The following COLEC12 variants were observed in gnomAD, a reference collection of about 807,000 sequenced individuals.
The protein encoded by COLEC12 is collectin-12.
A neutral mutation model predicts 71.1 loss-of-function variants in COLEC12; 33 were observed. The ratio of observed to expected loss-of-function variants is 0.46; its 90% CI spans 0.35 to 0.62. The LOEUF (loss-of-function observed/expected upper bound fraction) is 0.62. Ranked by LOEUF, COLEC12 falls within the 20% of genes least tolerant of loss-of-function variation. The pLI is 0.00. For synonymous variants in COLEC12, 350 were observed against 353.0 expected (o/e 0.99, Z 0.10); for missense variants, 765 against 916.1 (o/e 0.84, Z 2.13).
intron 2 of COLEC12, among the ~76,000 whole-genome samples, chr18:411,169 T>C (rs1915887480): frequency 6.6e-6 from 1 of 152,234 alleles, no homozygotes; most frequent in African/African-American, 2.4e-5. Context: ...AGTAGAAACC[T>C]GGACTTCTGC....
At position 331,677 on chromosome 18, in the gene COLEC12, G is replaced by A. The variant is rs1370102883; in HGVS notation, c.2054C>T (p.Pro685Leu). 6.2e-7 allele frequency: 1 copy of A among 1,605,340 alleles called. No homozygotes were observed. Among genetic ancestry groups the A allele is most frequent in the Admixed American group, 1.7e-5 (1 of 60,006 alleles). ...NEWKWLDGTSPDYKNWKAGQP... is the reference protein window; with the variant it reads ...NEWKWLDGTSLDYKNWKAGQP... ...GCTTCTGAGTACTTACTTGTAGTCT[G>A]GAGATGTCCCATCCAGCCACTTCCA... Residue 685 changes from proline (P) to leucine (L), a missense_variant, in exon 8 of 10, where the codon CCA (proline) becomes CTA (leucine). Pro to Leu is a moderately conservative substitution (Grantham distance 98, BLOSUM62 -3). Coordinates refer to ENST00000400256, the MANE Select transcript of COLEC12 (RefSeq NM_130386.3).
Position 459,001 on chromosome 18 carries a change from A to AT in COLEC12, c.58+21705dup, listed in dbSNP as rs202210753. Reference sequence around the variant, plus strand: ...GGACATGCTCCACCATTCCAGGCTAATTTTTTTATTTTCTGTAGAGATGGG... The same window carrying AT: ...GGACATGCTCCACCATTCCAGGCTAATTTTTTTTATTTTCTGTAGAGATGGG... On this transcript the variant is annotated intron_variant, in intron 2 of 9. Coordinates refer to ENST00000400256, the MANE Select transcript of COLEC12 (RefSeq NM_130386.3). Among the ~76,000 whole-genome samples, 703 of 152,130 alleles carry AT rather than the reference A, an allele frequency of 4.6e-3. 6 individuals are homozygous for AT. The highest frequency in any genetic ancestry group is 0.019 in the East Asian group (100 of 5,166).
chr18:324,860 C>T (rs893434269), intron 8 of COLEC12, among the ~76,000 whole-genome samples: 8 of 151,836 alleles, frequency 5.3e-5, no homozygotes, highest in Middle Eastern at 3.2e-3. Context: ...GAATATAGGA[C>T]CATAGAATGA....
Position 327,787 on chromosome 18 carries a change from C to A in COLEC12, c.2063+3881G>T, listed in dbSNP as rs899759521. ...AAGGGGAAAGCAGTGGTACTTAATT[C>A]TTCCTAGCCTGGGCAAGGGATGGGA... is the stretch of plus-strand genomic sequence containing the variant. On this transcript the variant is annotated intron_variant, in intron 8 of 9. Coordinates refer to ENST00000400256, the MANE Select transcript of COLEC12 (RefSeq NM_130386.3). The surrounding 1 kb of genome is among the most constrained non-coding windows in gnomAD (Gnocchi z 4.0). 6.6e-6 allele frequency among the ~76,000 whole-genome samples: 1 copy of A among 152,208 alleles called. No individual in the cohort carries two copies. The highest frequency in any genetic ancestry group is 2.4e-5 in the African/African-American group (1 of 41,466).
chr18:455,438 T>C (rs1412234946), intron 2 of COLEC12, among the ~76,000 whole-genome samples: 1 of 152,026 alleles, frequency 6.6e-6, no homozygotes, highest in Non-Finnish European at 1.5e-5. Context: ...CCACCATGCC[T>C]GGCTAATTTT....
chr18:324,351 A>G (rs1168460369), intron 8 of COLEC12, among the ~76,000 whole-genome samples: 1 of 152,228 alleles, frequency 6.6e-6, no homozygotes, highest in Non-Finnish European at 1.5e-5. Flanking sequence ...TGGGGCTCAA[A>G]GCCCTGAATT....
At chr18:443,757 T>C (rs896867594) in intron 2 of COLEC12, among the ~76,000 whole-genome samples, 6 of 152,160 alleles carry the variant, frequency 3.9e-5, no homozygotes, top group African/African-American at 1.2e-4. Flanking sequence ...CATGTTGAAA[T>C]GTAGTCCCCA....
Position 405,590 on chromosome 18 carries a change from C to T in COLEC12, c.59-48068G>A, listed in dbSNP as rs111978321. Reference sequence around the variant, plus strand: ...CGTTGAAATATTGGGGGCAGGTTCCCCCAGTAGGGTGGGGCTGTATAAGCT... The same window carrying T: ...CGTTGAAATATTGGGGGCAGGTTCCTCCAGTAGGGTGGGGCTGTATAAGCT... On this transcript the variant is annotated intron_variant, in intron 2 of 9. Coordinates refer to ENST00000400256, the MANE Select transcript of COLEC12 (RefSeq NM_130386.3). Among the ~76,000 whole-genome samples, 591 of 152,292 alleles carry T rather than the reference C, an allele frequency of 3.9e-3. 2 individuals carry two copies. Among genetic ancestry groups the T allele is most frequent in the African/African-American group, 0.013 (550 of 41,550 alleles).
intron 1 of COLEC12, among the ~76,000 whole-genome samples, chr18:499,840 C>T (rs558650336): frequency 3.8e-4 from 57 of 151,752 alleles, no homozygotes; most frequent in African/African-American, 1.4e-3. Flanking sequence ...GGGCGACTAA[C>T]CAGCTGAGGT....
intron 2 of COLEC12, among the ~76,000 whole-genome samples, chr18:396,206 A>G (rs1915567978): frequency 6.6e-6 from 1 of 152,218 alleles, no homozygotes; most frequent in South Asian, 2.1e-4. Flanking sequence ...GGAGAGTGGC[A>G]GCAGGTAATG....
intron 8 of COLEC12, among the ~76,000 whole-genome samples, chr18:328,618 G>A (rs369537255): frequency 1.7e-4 from 26 of 152,198 alleles, no homozygotes; most frequent in African/African-American, 5.1e-4. Context: ...CCAAGCCCTC[G>A]ACTAAATGCT....
chr18:409,451 C>T (rs187321604), intron 2 of COLEC12, among the ~76,000 whole-genome samples: 13 of 152,120 alleles, frequency 8.5e-5, no homozygotes, highest in African/African-American at 2.4e-4. Flanking sequence ...GGAGAATCCA[C>T]GAGGTGGAGG....
At chr18:492,937 C>T (rs1366235275) in intron 1 of COLEC12, among the ~76,000 whole-genome samples, 1 of 152,182 alleles carries the variant, frequency 6.6e-6, no homozygotes, top group Non-Finnish European at 1.5e-5. Context: ...GGCACGGTGG[C>T]TCATGCCTGT....
At position 408,872 on chromosome 18, in the gene COLEC12, G is replaced by A. The variant is rs957781811; in HGVS notation, c.59-51350C>T. ...TTTTTTGAGATAGTCTTGCTCTGCT[G>A]CCCAGGCTGGAGGGCAGTGGCACGA... On this transcript the variant is annotated intron_variant, in intron 2 of 9. Coordinates refer to ENST00000400256, the MANE Select transcript of COLEC12 (RefSeq NM_130386.3). The surrounding 1 kb of genome is among the most constrained non-coding windows in gnomAD (Gnocchi z 4.3). Among the ~76,000 whole-genome samples, 2 of 152,066 alleles carry A rather than the reference G, an allele frequency of 1.3e-5. No homozygotes were observed. Among genetic ancestry groups the A allele is most frequent in the African/African-American group, 4.8e-5 (2 of 41,410 alleles).
At chr18:444,436 C>A (rs1429525585) in intron 2 of COLEC12, among the ~76,000 whole-genome samples, 1 of 151,968 alleles carries the variant, frequency 6.6e-6, no homozygotes, top group Non-Finnish European at 1.5e-5. Flanking sequence ...TGAAGTTAAA[C>A]CTAAAAATTC....
At position 334,759 on chromosome 18, in the gene COLEC12, G is replaced by C. The variant is rs372108934; in HGVS notation, c.1799C>G (p.Pro600Arg). ...GGACTTACCATTGTCCTCCGGTGCTGGGGTTGGCTCATTCTGCAGGGCCAG... is the reference window on the plus strand; with the variant it reads ...GGACTTACCATTGTCCTCCGGTGCTCGGGTTGGCTCATTCTGCAGGGCCAG... ...VPLALQNEPT[P>R]APEDNGCPPH... is the part of the protein sequence containing the mutation. Residue 600 changes from proline (P) to arginine (R), a missense_variant, in exon 6 of 10, where the codon CCA becomes CGA. Transcript: ENST00000400256. 18 of 1,470,940 alleles carry C rather than the reference G, an allele frequency of 1.2e-5. No homozygotes were observed. The highest frequency in any genetic ancestry group is 2.7e-5 in the Admixed American group (1 of 37,218). 91.1% of individuals were successfully genotyped at this position (1,470,940 alleles called of 1,614,324 possible).
chr18:379,942 G>C (rs1443750475), intron 2 of COLEC12, among the ~76,000 whole-genome samples: 1 of 152,106 alleles, frequency 6.6e-6, no homozygotes, highest in Admixed American at 6.5e-5. Context: ...TGTATTTCCG[G>C]AGGAAAGCAA....
chr18:480,970 TC>T lies in COLEC12; in HGVS notation c.8-214del, dbSNP rs1402286794. Among the ~76,000 whole-genome samples the T allele has an allele frequency of 6.6e-6, 1 of 152,146 alleles. No individual in the cohort carries two copies. Among genetic ancestry groups the T allele is most frequent in the Non-Finnish European group, 1.5e-5 (1 of 68,034 alleles). ...GCACTTCCTCTGTTCCTAATGTGAC[TC>T]CTTCGAATTCAGGTCTTAGCTAAAG... On this transcript the variant is annotated intron_variant, in intron 1 of 9. Transcript: ENST00000400256. This position sits in a 1 kb window ranked among gnomAD's most constrained non-coding sequence, Gnocchi z 4.1.
intron 3 of COLEC12, among the ~76,000 whole-genome samples, chr18:350,122 G>A (rs1026274309): frequency 4.6e-5 from 7 of 152,270 alleles, no homozygotes; most frequent in South Asian, 4.1e-4. Context: ...CTGTATTCTC[G>A]CCCAAATCTC....
Sources: gnomAD v4.1 joint callset for allele counts (sites outside exome capture counted in the v4.1 genomes callset) on GRCh38, gnomAD v4.1.1 for gene constraint, Gnocchi (gnomAD v3.1) non-coding constraint, MANE v1.5 for transcripts, NCBI Gene and HGNC (gene_info 2026-07-23, HGNC 2026-07-21) for gene names.